AOX1: variants seen among roughly 807,000 people sequenced by gnomAD.
AOX1 encodes aldehyde oxidase 1.
In AOX1, 153 loss-of-function variants were observed where a neutral mutation model predicts 169.5. The ratio of observed to expected loss-of-function variants is 0.90; its 90% CI spans 0.79 to 1.03. The LOEUF (loss-of-function observed/expected upper bound fraction) is 1.03. AOX1 is among the 50% of genes least tolerant of loss of function. The probability of loss-of-function intolerance (pLI) is 0.00; values close to 1 mark genes in which losing one functional copy is unlikely to be tolerated. For synonymous variants in AOX1, 562 were observed against 581.9 expected, an observed-to-expected ratio of 0.97 and a Z score of 0.49; for missense variants, 1,656 against 1,663.9, an observed-to-expected ratio of 1.00 and a Z score of 0.08.
chr2:200,589,631 A>G (rs1018898953), intron 1 of AOX1, among the ~76,000 whole-genome samples: 1 of 152,220 alleles, frequency 6.6e-6, no homozygotes, highest in Non-Finnish European at 1.5e-5. Context: ...GGGTGTACAC[A>G]GTAAACAGAT....
chr2:200,602,233 G>C (rs749597657), intron 5 of AOX1, 51 bp from the exon 6 acceptor site: 18 of 1,486,266 alleles, frequency 1.2e-5, no homozygotes, highest in Non-Finnish European at 1.7e-5. Flanking sequence ...TTGGTAGACT[G>C]TGCCTCTATC....
chr2:200,598,165 G>C (rs2034328688), intron 4 of AOX1, among the ~76,000 whole-genome samples: 1 of 151,520 alleles, frequency 6.6e-6, no homozygotes, highest in South Asian at 2.1e-4. Flanking sequence ...AAGGAAGGAA[G>C]GAAAGAAAAG....
chr2:200,668,104 A>G (rs1435799424), intron 32 of AOX1, among the ~76,000 whole-genome samples: 1 of 147,498 alleles, frequency 6.8e-6, no homozygotes, highest in Non-Finnish European at 1.5e-5. Flanking sequence ...ATTTATTATT[A>G]TTATTATTTT....
At chr2:200,610,046 C>G (rs1030842531) in intron 12 of AOX1, among the ~76,000 whole-genome samples, 1 of 150,714 alleles carries the variant, frequency 6.6e-6, no homozygotes, top group African/African-American at 2.4e-5. Context: ...TAAATACTTA[C>G]TCTTCATACC....
chr2:200,621,192 C>T lies in AOX1; in HGVS notation c.1947C>T (p.Asp649=), dbSNP rs141863168. 316 of 1,614,058 alleles carry T rather than the reference C, an allele frequency of 2.0e-4. 2 individuals are homozygous for T. In the South Asian group the frequency reaches 2.5e-3, roughly 13 times the overall value. Residue 649 remains aspartate (D), a synonymous_variant, in exon 18 of 35, where the codon GAC becomes GAT. Transcript: ENST00000374700. The stretch of plus-strand genomic sequence containing the variant: ...TCATGACAGCAGAACATCTTAGTGA[C>T]GTCAACTCCTTCTGCTTTTTTACTG... ...VDIMTAEHLS[D]VNSFCFFTEA... is the part of the protein sequence containing the mutation.
chr2:200,655,729 C>A (rs2105762935), intron 26 of AOX1, among the ~76,000 whole-genome samples: 1 of 152,232 alleles, frequency 6.6e-6, no homozygotes. Context: ...GTAATGTGAA[C>A]CTTTGGATAC....
chr2:200,623,776 A>C lies in AOX1; in HGVS notation c.2002-85A>C, dbSNP rs113258956. ...TCTAGCCCTAGCCCTACTGTAATCG[A>C]GTACTAGGAGGGAGGAAGAAAATGA... On this transcript the variant is annotated intron_variant, in intron 18 of 34. Coordinates refer to ENST00000374700, the MANE Select transcript of AOX1 (RefSeq NM_001159.4). The C allele has an allele frequency of 5.6e-5, 89 of 1,590,852 alleles. No homozygotes were observed. In the African/African-American group the frequency reaches 8.9e-4, roughly 16 times the overall value.
chr2:200,605,722 T>TTA (rs1161076019), intron 10 of AOX1, 94 bp downstream of exon 10: 1 of 538,142 alleles, frequency 1.9e-6, no homozygotes, highest in Non-Finnish European at 3.2e-6. Flanking sequence ...TGATTCCTAA[T>TTA]TATAATACAC....
Position 200,637,155 on chromosome 2 carries a change from T to C in AOX1, c.2480+111T>C, listed in dbSNP as rs1308383912. 4 of 1,321,746 alleles carry C rather than the reference T, an allele frequency of 3.0e-6. No homozygotes were observed. In the South Asian group the frequency reaches 4.4e-5, roughly 15 times the overall value. 81.9% of individuals were successfully genotyped at this position (1,321,746 alleles called of 1,614,324 possible). ...AGATTATTTAATATCACATATACGATACAAACACACAAACAAGCTGCCAGC... is the reference window on the plus strand; with the variant it reads ...AGATTATTTAATATCACATATACGACACAAACACACAAACAAGCTGCCAGC... On this transcript the variant is annotated intron_variant, in intron 22 of 34. Coordinates refer to ENST00000374700, the MANE Select transcript of AOX1 (RefSeq NM_001159.4).
At position 200,660,505 on chromosome 2, in the gene AOX1, G is replaced by A. The variant is rs528937290; in HGVS notation, c.3375+436G>A. 5.3e-5 allele frequency among the ~76,000 whole-genome samples: 8 copies of A among 152,138 alleles called. No individual in the cohort carries two copies. In the East Asian group the frequency reaches 5.8e-4, roughly 11 times the overall value. ...TTAGAAATAGGAAACCAAGCCAGTG[G>A]GTATATGTTCATCCAGTAATAGGTA... On this transcript the variant is annotated intron_variant, in intron 29 of 34. Transcript: ENST00000374700.
At chr2:200,646,365 G>A (rs1009215812) in intron 25 of AOX1, among the ~76,000 whole-genome samples, 1 of 152,106 alleles carries the variant, frequency 6.6e-6, no homozygotes, top group African/African-American at 2.4e-5. Flanking sequence ...TATTTGCATG[G>A]TTCTGAAGGT....
At position 200,651,081 on chromosome 2, in the gene AOX1, C is replaced by A; in HGVS notation, c.2955C>A (p.Ser985=). Residue 985 remains serine (S), a synonymous_variant, in exon 26 of 35, where the codon TCC becomes TCA. Coordinates refer to ENST00000374700, the MANE Select transcript of AOX1 (RefSeq NM_001159.4). ...QCWRECMAMS[S]YSLRKVAVEK... ...GGAGAGAATGTATGGCCATGTCTTC[C>A]TACTCCTTGAGGAAAGTTGCTGTGG... The A allele has an allele frequency of 3.7e-6, 6 of 1,614,166 alleles. No individual in the cohort carries two copies. The highest frequency in any genetic ancestry group is 5.1e-6 in the Non-Finnish European group (6 of 1,179,996).
intron 20 of AOX1, among the ~76,000 whole-genome samples, chr2:200,628,762 CT>C (rs2035054768): frequency 6.6e-6 from 1 of 152,234 alleles, no homozygotes; most frequent in African/African-American, 2.4e-5. Context: ...AAACCCCTCT[CT>C]ACTAAAAATA....
In AOX1 at chr2:200,670,637, A is replaced by G. The variant is rs768639757; in HGVS notation, c.3975A>G (p.Arg1325=). Reference sequence around the variant, plus strand: ...ATTTGTTTTTATTTTAGATTCCGAGAGATGAACCTGGATCCTACGTTCCTT... The same window carrying G: ...ATTTGTTTTTATTTTAGATTCCGAGGGATGAACCTGGATCCTACGTTCCTT... The part of the protein sequence containing the change: ...CEDKFTKMIP[R]DEPGSYVPWN... Residue 1325 remains arginine, a synonymous_variant, in exon 35 of 35, where the codon AGA becomes AGG. Coordinates refer to ENST00000374700, the MANE Select transcript of AOX1 (RefSeq NM_001159.4). The G allele has an allele frequency of 4.3e-6, 7 of 1,612,188 alleles. No homozygotes were observed. Among genetic ancestry groups the G allele is most frequent in the African/African-American group, 4.0e-5 (3 of 74,900 alleles).
chr2:200,611,269 C>T (rs1438038245), intron 12 of AOX1, 115 bp from the exon 13 acceptor site: 4 of 731,606 alleles, frequency 5.5e-6, no homozygotes, highest in Non-Finnish European at 9.7e-6. Context: ...GGAAGAGCAC[C>T]TGTTTCCCTG....
chr2:200,676,427 C>T (rs573469519), downstream of AOX1, among the ~76,000 whole-genome samples: 59 of 152,024 alleles, frequency 3.9e-4, no homozygotes, highest in African/African-American at 1.4e-3. Flanking sequence ...TGGTGAAACC[C>T]CGTCTCTACT....
chr2:200,603,490 C>G, intron 7 of AOX1, 134 bp downstream of exon 7: 1 of 611,914 alleles, frequency 1.6e-6, no homozygotes. Context: ...CCCATTCTCA[C>G]TCCATCTCTC....
chr2:200,593,739 G>T (rs1316735333), intron 2 of AOX1, among the ~76,000 whole-genome samples: 3 of 152,068 alleles, frequency 2.0e-5, no homozygotes, highest in East Asian at 1.9e-4. Flanking sequence ...TTTCAAAGAG[G>T]GTGTGTACAT....
chr2:200,621,124 ATTGATCTG>A lies in AOX1; in HGVS notation c.1881_1888del (p.Asp628ArgfsTer18). 6.2e-7 allele frequency: 1 copy of A among 1,613,032 alleles called. No individual in the cohort carries two copies. Among genetic ancestry groups the A allele is most frequent in the Non-Finnish European group, 8.5e-7 (1 of 1,179,754 alleles). On this transcript the variant is annotated frameshift_variant, in exon 18 of 35. Transcript: ENST00000374700. LOFTEE classifies it high-confidence loss of function. The stretch of plus-strand genomic sequence containing the variant: ...TCTGCTGTGTATATCATCTAGGTCT[ATTGATCTG>A]TCAGAAGCTCTCAGCATGCCCGGTG...
Sources: gnomAD v4.1 joint callset for allele counts (sites outside exome capture counted in the v4.1 genomes callset) on GRCh38, gnomAD v4.1.1 for gene constraint, MANE v1.5 for transcripts, NCBI Gene and HGNC (gene_info 2026-07-23, HGNC 2026-07-21) for gene names.